Variants in CNTN1 observed in about 807,000 individuals in gnomAD.
CNTN1 encodes contactin 1.
CNTN1 carries 38 observed loss-of-function variants against 126.4 expected under a neutral mutation model. The observed-to-expected ratio is 0.30, with a 90% CI of 0.23 to 0.39. The LOEUF is 0.39. Ranked by LOEUF, CNTN1 falls within the 10% of genes least tolerant of loss-of-function variation. The pLI is 1.00. For missense variants in CNTN1, 1,009 were observed against 1,248.4 expected (o/e 0.81, Z 2.89); for synonymous variants, 413 against 422.6 (o/e 0.98, Z 0.28).
intron 15 of CNTN1, among the ~76,000 whole-genome samples, chr12:40,977,985 T>C (rs187597393): frequency 3.9e-5 from 6 of 152,134 alleles, no homozygotes; most frequent in African/African-American, 1.4e-4. Context: ...GTATTTTTCG[T>C]AGAGATCCGG....
intron 15 of CNTN1, among the ~76,000 whole-genome samples, chr12:40,962,261 G>A (rs1023045831): frequency 6.6e-6 from 1 of 152,094 alleles, no homozygotes; most frequent in Non-Finnish European, 1.5e-5. Context: ...GTGTGTGCGT[G>A]TGTGTGCATG....
At chr12:40,813,279 A>G (rs1215894126) in intron 1 of CNTN1, among the ~76,000 whole-genome samples, 1 of 149,766 alleles carries the variant, frequency 6.7e-6, no homozygotes, top group Non-Finnish European at 1.5e-5. Context: ...GATTTGTTAC[A>G]TAAGTATACA....
In CNTN1 at chr12:40,784,284, C is replaced by G. The variant is rs1939919914; in HGVS notation, c.-77+91692C>G. 2.0e-5 allele frequency among the ~76,000 whole-genome samples: 3 copies of G among 152,100 alleles called. No individual in the cohort carries two copies. In the South Asian group the frequency reaches 6.2e-4, roughly 32 times the overall value. On this transcript the variant is annotated intron_variant, in intron 1 of 23. Coordinates refer to ENST00000551295, the MANE Select transcript of CNTN1 (RefSeq NM_001843.4). ...TGAAACTTGCACCTGTGGTCTGCTA[C>G]TTACTTTTCTCACACAGCAGTTCCC...
At chr12:40,878,535 T>C (rs1943758295) in intron 1 of CNTN1, among the ~76,000 whole-genome samples, 1 of 152,190 alleles carries the variant, frequency 6.6e-6, no homozygotes, top group Non-Finnish European at 1.5e-5. Context: ...AGAACTCACA[T>C]GAGGAAAAGT....
chr12:40,826,571 A>G (rs1183056349), intron 1 of CNTN1, among the ~76,000 whole-genome samples: 4 of 152,174 alleles, frequency 2.6e-5, no homozygotes, highest in Non-Finnish European at 4.4e-5. Flanking sequence ...TGTCTTCTCT[A>G]TGGCTCAGCA....
intron 1 of CNTN1, among the ~76,000 whole-genome samples, chr12:40,819,330 C>G (rs567100564): frequency 6.6e-6 from 1 of 152,182 alleles, no homozygotes; most frequent in Non-Finnish European, 1.5e-5. Flanking sequence ...ACCCCTCTCA[C>G]TAGGGGCTCA....
intron 1 of CNTN1, among the ~76,000 whole-genome samples, chr12:40,854,180 T>C (rs552315377): frequency 6.6e-6 from 1 of 151,922 alleles, no homozygotes; most frequent in East Asian, 1.9e-4. Context: ...AGTCTAGTGG[T>C]AAATACACAT....
intron 1 of CNTN1, among the ~76,000 whole-genome samples, chr12:40,835,082 G>A (rs1941998662): frequency 6.6e-6 from 1 of 152,086 alleles, no homozygotes; most frequent in African/African-American, 2.4e-5. Context: ...TGGCAAATGT[G>A]AATATGATAT....
chr12:40,707,078 ACACACACACACC>A (rs1388804301), intron 1 of CNTN1, among the ~76,000 whole-genome samples: 2 of 90,436 alleles, frequency 2.2e-5, no homozygotes, highest in Non-Finnish European at 2.3e-5. Context: ...ACACACACAC[ACACACACACACC>A]CCTGCTCAGA....
At chr12:40,821,213 A>G (rs1941431073) in intron 1 of CNTN1, among the ~76,000 whole-genome samples, 1 of 152,228 alleles carries the variant, frequency 6.6e-6, no homozygotes, top group Admixed American at 6.5e-5. Context: ...GAAGCTAAGT[A>G]GGATGTAATT....
chr12:40,812,822 TTTCTG>T (rs1261947327), intron 1 of CNTN1, among the ~76,000 whole-genome samples: 1 of 152,146 alleles, frequency 6.6e-6, no homozygotes, highest in Non-Finnish European at 1.5e-5. Flanking sequence ...AGGTCTTATT[TTTCTG>T]TTCATTTGTC....
intron 1 of CNTN1, among the ~76,000 whole-genome samples, chr12:40,889,519 G>A (rs1034013403): frequency 1.3e-5 from 2 of 152,122 alleles, no homozygotes; most frequent in South Asian, 4.1e-4. Context: ...TTTAAAAACT[G>A]TTTACTAAGC....
At chr12:40,959,485 ATGTT>A (rs1165141815) in intron 15 of CNTN1, among the ~76,000 whole-genome samples, 4 of 151,942 alleles carry the variant, frequency 2.6e-5, no homozygotes, top group Non-Finnish European at 5.9e-5. Context: ...CTCCTACTAA[ATGTT>A]TGTGCTTTGT....
rs116895529 is a variant in CNTN1 at position 40,849,343 on chromosome 12, A to G, written c.-76-59014A>G. Among the ~76,000 whole-genome samples, 93 of 152,268 alleles carry G rather than the reference A, an allele frequency of 6.1e-4. 1 individual carries two copies. In the East Asian group the frequency reaches 0.016, roughly 26 times the overall value. ...ATAAGGGTGATTTTATTTGATTAAT[A>G]TATATGTAAAGTTAGTCATTCAGGG... On this transcript the variant is annotated intron_variant, in intron 1 of 23. Transcript: ENST00000551295.
intron 7 of CNTN1, among the ~76,000 whole-genome samples, 179 bp from the exon 8 acceptor site, chr12:40,933,282 T>C (rs1945960811): frequency 6.6e-6 from 1 of 151,930 alleles, no homozygotes. Flanking sequence ...TACTGAGAAG[T>C]TATACTATAT....
At chr12:40,794,408 C>T (rs1187276441) in intron 1 of CNTN1, among the ~76,000 whole-genome samples, 3 of 150,902 alleles carry the variant, frequency 2.0e-5, no homozygotes, top group African/African-American at 7.3e-5. Flanking sequence ...TGTTTTATAG[C>T]CTGCCCCTTG....
At chr12:40,936,487 A>C (rs533336481) in intron 9 of CNTN1, among the ~76,000 whole-genome samples, 2 of 152,158 alleles carry the variant, frequency 1.3e-5, no homozygotes, top group African/African-American at 2.4e-5. Context: ...GGTTTATGTT[A>C]TGAGCAGAAA....
At chr12:40,792,734 T>C (rs1940266996) in intron 1 of CNTN1, among the ~76,000 whole-genome samples, 1 of 152,150 alleles carries the variant, frequency 6.6e-6, no homozygotes, top group African/African-American at 2.4e-5. Context: ...TTAGTTTTAA[T>C]TGTTTATTTT....
intron 1 of CNTN1, among the ~76,000 whole-genome samples, chr12:40,873,191 G>C (rs1943563423): frequency 6.6e-6 from 1 of 152,076 alleles, no homozygotes; most frequent in Admixed American, 6.6e-5. Flanking sequence ...AAATGCCTAA[G>C]TAAAAATTCT....
Sources: gnomAD v4.1 joint callset for allele counts (sites outside exome capture counted in the v4.1 genomes callset) on GRCh38, gnomAD v4.1.1 for gene constraint, MANE v1.5 for transcripts, NCBI Gene and HGNC (gene_info 2026-07-23, HGNC 2026-07-21) for gene names.